Variants in FSTL4 observed in about 807,000 individuals in gnomAD.
The protein encoded by FSTL4 is follistatin like 4, also known as follistatin-related protein 4.
Under a neutral mutation model 78.2 loss-of-function variants are expected in FSTL4, and 28 were observed. The ratio of observed to expected loss-of-function variants is 0.36; its 90% confidence interval spans 0.27 to 0.49. The LOEUF (loss-of-function observed/expected upper bound fraction) is 0.49, where lower values mean the gene tolerates loss of function less well. Among genes scored for constraint, FSTL4 ranks in the 20% least tolerant of loss-of-function variants. The probability of loss-of-function intolerance (pLI) is 0.98; values close to 1 mark genes in which losing one functional copy is unlikely to be tolerated. For synonymous variants in FSTL4, 422 were observed against 440.5 expected (o/e 0.96, Z 0.53); for missense variants, 922 against 1,084.9 (o/e 0.85, Z 2.11).
At chr5:133,574,015 A>C (rs2112950892) in intron 2 of FSTL4, among the ~76,000 whole-genome samples, 1 of 152,360 alleles carries the variant, frequency 6.6e-6, no homozygotes, top group Non-Finnish European at 1.5e-5. Flanking sequence ...GGATGTGAAA[A>C]GCAAACCAAA....
intron 3 of FSTL4, among the ~76,000 whole-genome samples, chr5:133,502,610 T>C (rs10793817): frequency 0.51 from 78,055 of 151,902 alleles, 20,449 homozygotes; most frequent in African/African-American, 0.59. Context: ...GAGTGAGTTA[T>C]CATGAGGTCC....
At chr5:133,589,511 G>A (rs1760578980) in intron 2 of FSTL4, among the ~76,000 whole-genome samples, 1 of 152,122 alleles carries the variant, frequency 6.6e-6, no homozygotes, top group African/African-American at 2.4e-5. Flanking sequence ...CAAGGAAATA[G>A]CCAAAGGAAT....
At position 133,319,994 on chromosome 5, in the gene FSTL4, C is replaced by A. The variant is rs117854509; in HGVS notation, c.410-3342G>T. 5.3e-5 allele frequency among the ~76,000 whole-genome samples: 8 copies of A among 152,248 alleles called. No individual in the cohort carries two copies. In the East Asian group the frequency reaches 1.5e-3, roughly 29 times the overall value. ...CTCTGCTTCTGTGCAGATGATCACT[C>A]GAGATCCCAAAGTCCAAACTCGCTT... On this transcript the variant is annotated intron_variant, in intron 4 of 15. Coordinates refer to ENST00000265342, the MANE Select transcript of FSTL4 (RefSeq NM_015082.2).
chr5:133,557,965 C>T (rs1759824014), intron 3 of FSTL4, among the ~76,000 whole-genome samples: 1 of 152,194 alleles, frequency 6.6e-6, no homozygotes, highest in African/African-American at 2.4e-5. Context: ...ACTTCACCTC[C>T]ACCAGAACAT....
At chr5:133,204,246 G>T (rs991807136) in intron 14 of FSTL4, among the ~76,000 whole-genome samples, 2 of 152,326 alleles carry the variant, frequency 1.3e-5, no homozygotes, top group South Asian at 2.1e-4. Context: ...CATTGGAAAA[G>T]ATGCCAAACC....
At position 133,473,740 on chromosome 5, in the gene FSTL4, TCA is replaced by T. The variant is rs1757872472; in HGVS notation, c.161-72756_161-72755del. 3.3e-5 allele frequency among the ~76,000 whole-genome samples: 5 copies of T among 152,176 alleles called. No individual in the cohort carries two copies. In the South Asian group the frequency reaches 1.0e-3, roughly 32 times the overall value. ...TACAGAGGAAAGAGGTTTAATTCAC[TCA>T]CAGTTTCCCATGGCTAGGGAAGCCT... is the stretch of plus-strand genomic sequence containing the variant. On this transcript the variant is annotated intron_variant, in intron 3 of 15. Coordinates refer to ENST00000265342, the MANE Select transcript of FSTL4 (RefSeq NM_015082.2).
At chr5:133,604,914 C>G (rs997092702) in intron 1 of FSTL4, among the ~76,000 whole-genome samples, 9 of 152,130 alleles carry the variant, frequency 5.9e-5, no homozygotes, top group African/African-American at 2.2e-4. Flanking sequence ...CTGAGGCTCA[C>G]TTGATAACAT....
chr5:133,257,905 T>C (rs1752421981), intron 6 of FSTL4, among the ~76,000 whole-genome samples: 1 of 152,206 alleles, frequency 6.6e-6, no homozygotes, highest in African/African-American at 2.4e-5. Context: ...CCTATTACTT[T>C]GGTGTCTTAA....
chr5:133,382,400 T>C (rs920885310), intron 4 of FSTL4, among the ~76,000 whole-genome samples: 1 of 152,222 alleles, frequency 6.6e-6, no homozygotes, highest in Non-Finnish European at 1.5e-5. Flanking sequence ...TTTACGTGGG[T>C]AATAATTTCC....
chr5:133,277,415 G>A (rs998873473), intron 6 of FSTL4, among the ~76,000 whole-genome samples: 5 of 152,122 alleles, frequency 3.3e-5, no homozygotes, highest in African/African-American at 4.8e-5. Flanking sequence ...AGGTGCTGGC[G>A]GCACTGTATT....
intron 2 of FSTL4, among the ~76,000 whole-genome samples, chr5:133,600,035 C>G (rs1760830972): frequency 6.6e-6 from 1 of 152,142 alleles, no homozygotes; most frequent in Non-Finnish European, 1.5e-5. Context: ...TTATCTTGAC[C>G]AGTGTACAGA....
intron 6 of FSTL4, among the ~76,000 whole-genome samples, chr5:133,294,613 C>G (rs962594230): frequency 6.6e-6 from 1 of 152,170 alleles, no homozygotes; most frequent in South Asian, 2.1e-4. Flanking sequence ...TGATTACCTG[C>G]CAACTCTCCA....
chr5:133,319,009 G>C (rs1171267831), intron 4 of FSTL4, among the ~76,000 whole-genome samples: 1 of 152,230 alleles, frequency 6.6e-6, no homozygotes, highest in Non-Finnish European at 1.5e-5. Flanking sequence ...GCGTCCCCCT[G>C]TGAGCAGGGG....
At chr5:133,726,202 C>T in the FSTL4 span, among the ~76,000 whole-genome samples, 1 of 152,212 alleles carries the variant, frequency 6.6e-6, no homozygotes, top group Admixed American at 6.5e-5. Flanking sequence ...CTCACCCACA[C>T]AGACAAGGGA....
chr5:133,377,200 T>G (rs1755455439), intron 4 of FSTL4, among the ~76,000 whole-genome samples: 1 of 152,176 alleles, frequency 6.6e-6, no homozygotes, highest in Admixed American at 6.5e-5. Flanking sequence ...ACTCATAAGA[T>G]GGAGACTCTA....
intron 2 of FSTL4, among the ~76,000 whole-genome samples, chr5:133,598,680 C>A (rs1257066652): frequency 6.7e-6 from 1 of 149,880 alleles, no homozygotes. Flanking sequence ...AGAGGAAGTT[C>A]TGGATCCTTT....
At position 133,376,527 on chromosome 5, in the gene FSTL4, T is replaced by C. The variant is rs1684517114; in HGVS notation, c.409+24211A>G. 2.6e-5 allele frequency among the ~76,000 whole-genome samples: 4 copies of C among 151,988 alleles called. No individual in the cohort carries two copies. The South Asian group carries it at 8.3e-4, about 32-fold the overall frequency. On this transcript the variant is annotated intron_variant, in intron 4 of 15. Coordinates refer to ENST00000265342, the MANE Select transcript of FSTL4 (RefSeq NM_015082.2). Reference sequence around the variant, plus strand: ...AGAGAAATAAATATAAATGGTGAAATGATGATTTTGATTTTAAAAAAAACA... The same window carrying C: ...AGAGAAATAAATATAAATGGTGAAACGATGATTTTGATTTTAAAAAAAACA...
the FSTL4 span, among the ~76,000 whole-genome samples, chr5:133,706,616 T>G: frequency 6.6e-6 from 1 of 152,210 alleles, no homozygotes; most frequent in Non-Finnish European, 1.5e-5. Flanking sequence ...CCTTTCCAAC[T>G]GCTAGAAGGA....
intron 14 of FSTL4, 114 bp from the exon 15 acceptor site, chr5:133,202,156 T>A (rs967255448): frequency 1.6e-6 from 1 of 617,374 alleles, no homozygotes; most frequent in Non-Finnish European, 2.9e-6. Flanking sequence ...GGGAGAGAGA[T>A]GACTAACAAA....
Sources: gnomAD v4.1 joint callset for allele counts (sites outside exome capture counted in the v4.1 genomes callset) on GRCh38, gnomAD v4.1.1 for gene constraint, MANE v1.5 for transcripts, NCBI Gene and HGNC (gene_info 2026-07-23, HGNC 2026-07-21) for gene names.